Variants in CCSER1 observed in about 807,000 individuals in gnomAD.
CCSER1 encodes serine-rich coiled-coil domain-containing protein 1.
CCSER1 carries 41 observed loss-of-function variants against 82.0 expected under a neutral mutation model. That is an observed-to-expected ratio of 0.50 (90% CI 0.39 to 0.65). The LOEUF (loss-of-function observed/expected upper bound fraction) is 0.65. Among genes scored for constraint, CCSER1 ranks in the 30% least tolerant of loss-of-function variants. The pLI is 0.00. For missense variants in CCSER1, 1,119 were observed against 1,064.2 expected (o/e 1.05, Z -0.72); for synonymous variants, 414 against 383.9 (o/e 1.08, Z -0.92).
At chr4:91,586,734 GA>G (rs1177185465) in intron 10 of CCSER1, among the ~76,000 whole-genome samples, 2 of 151,704 alleles carry the variant, frequency 1.3e-5, no homozygotes, top group African/African-American at 4.8e-5. Context: ...TTCATGCTTA[GA>G]AATTATGTTG....
rs547771917 is a variant in CCSER1, at chr4:91,464,472, C to T, written c.2218-134100C>T. Among the ~76,000 whole-genome samples the T allele has an allele frequency of 3.5e-4, 53 of 152,256 alleles. No individual in the cohort carries two copies. The South Asian group carries it at 5.2e-3, about 15-fold the overall frequency. ...GACAAGCAAAATAACCAGCTAACAT[C>T]GTAATGACAGGATCAAATTCACACA... On this transcript the variant is annotated intron_variant, in intron 10 of 10. Transcript: ENST00000509176.
intron 10 of CCSER1, among the ~76,000 whole-genome samples, chr4:91,280,978 A>G (rs760320504): frequency 2.0e-5 from 3 of 152,090 alleles, no homozygotes; most frequent in South Asian, 2.1e-4. Context: ...AGCTCCCTCT[A>G]TGAAGCAATG....
chr4:90,200,507 G>A lies in CCSER1; in HGVS notation c.-42+72676G>A, dbSNP rs1201326322. 4.6e-5 allele frequency among the ~76,000 whole-genome samples: 7 copies of A among 151,832 alleles called. No individual in the cohort carries two copies. The South Asian group carries it at 1.2e-3, about 27-fold the overall frequency. On this transcript the variant is annotated intron_variant, in intron 1 of 10. Transcript: ENST00000509176. The stretch of plus-strand genomic sequence containing the variant: ...AAATCATACAAAAAAACCCAGCAAA[G>A]CCCTCTTTGCTTATGAACAATGGCC...
At chr4:90,612,539 A>G (rs1445608669) in intron 5 of CCSER1, among the ~76,000 whole-genome samples, 2 of 152,198 alleles carry the variant, frequency 1.3e-5, no homozygotes, top group South Asian at 2.1e-4. Flanking sequence ...AAGCAGAGAA[A>G]TTCCACATTA....
intron 10 of CCSER1, among the ~76,000 whole-genome samples, chr4:91,266,260 T>G (rs913116215): frequency 7.2e-6 from 1 of 138,972 alleles, no homozygotes; most frequent in African/African-American, 2.6e-5. Context: ...GTTTGTTTTG[T>G]TTTTTTTTTG....
chr4:91,172,042 G>A (rs1441975554), intron 10 of CCSER1, among the ~76,000 whole-genome samples: 1 of 151,904 alleles, frequency 6.6e-6, no homozygotes, highest in Non-Finnish European at 1.5e-5. Flanking sequence ...ACATTGCAAA[G>A]CACCTTGCAT....
intron 5 of CCSER1, among the ~76,000 whole-genome samples, chr4:90,562,059 G>T (rs1251169120): frequency 6.6e-6 from 1 of 151,780 alleles, no homozygotes; most frequent in African/African-American, 2.4e-5. Context: ...GCATAGTGGC[G>T]AGTGCCTGTA....
rs192592705 is a variant in CCSER1, at chr4:90,309,654, A to C, written c.1324+46A>C. 5.8e-6 allele frequency: 8 copies of C among 1,381,140 alleles called. No homozygotes were observed. The Admixed American group carries it at 2.1e-4, about 37-fold the overall frequency. 85.6% of individuals were successfully genotyped at this position (1,381,140 alleles called of 1,614,324 possible). ...TAACAAATGATATGAATTAATTTTC[A>C]TTATACTTTATTCAGTTTTCTTATT... On this transcript the variant is annotated intron_variant, in intron 2 of 10. Coordinates refer to ENST00000509176, the MANE Select transcript of CCSER1 (RefSeq NM_001145065.2).
intron 3 of CCSER1, among the ~76,000 whole-genome samples, chr4:90,386,076 T>A (rs2153534851): frequency 6.6e-6 from 1 of 152,244 alleles, no homozygotes; most frequent in African/African-American, 2.4e-5. Flanking sequence ...AAAATGAACA[T>A]ACTACCCAAA....
chr4:90,838,023 G>T (rs1460152965), intron 8 of CCSER1, among the ~76,000 whole-genome samples: 2 of 150,000 alleles, frequency 1.3e-5, no homozygotes, highest in African/African-American at 5.0e-5. Flanking sequence ...TAGCTATTCT[G>T]TACACTTTAT....
At chr4:90,486,470 G>A (rs1199384184) in intron 5 of CCSER1, among the ~76,000 whole-genome samples, 1 of 152,208 alleles carries the variant, frequency 6.6e-6, no homozygotes, top group Non-Finnish European at 1.5e-5. Context: ...GTGGCAAGTA[G>A]TGGTGGTTGT....
intron 10 of CCSER1, among the ~76,000 whole-genome samples, chr4:91,439,613 A>C (rs1165319357): frequency 6.6e-6 from 1 of 152,102 alleles, no homozygotes; most frequent in African/African-American, 2.4e-5. Flanking sequence ...ACACATAACA[A>C]TATTAACTTT....
intron 1 of CCSER1, among the ~76,000 whole-genome samples, chr4:90,290,405 G>A (rs746440276): frequency 6.6e-6 from 1 of 151,818 alleles, no homozygotes. Context: ...AAGCAAATAG[G>A]GTCTCTTTTA....
intron 8 of CCSER1, among the ~76,000 whole-genome samples, chr4:90,866,523 T>TC (rs746209747): frequency 3.3e-5 from 5 of 152,044 alleles, no homozygotes; most frequent in Non-Finnish European, 5.9e-5. Context: ...GTTTCACATA[T>TC]CCTTTATTTT....
At chr4:90,574,317 G>T (rs570381489) in intron 5 of CCSER1, among the ~76,000 whole-genome samples, 5 of 133,894 alleles carry the variant, frequency 3.7e-5, no homozygotes, top group Admixed American at 3.2e-4. Context: ...GCTGGACTGC[G>T]GACTGCAGTG....
At chr4:90,713,302 C>T (rs757799229) in intron 6 of CCSER1, among the ~76,000 whole-genome samples, 1 of 151,890 alleles carries the variant, frequency 6.6e-6, no homozygotes, top group South Asian at 2.1e-4. Context: ...TTCCCTATCA[C>T]GTGCTTCCTT....
At chr4:90,749,850 C>A (rs1342383656) in intron 7 of CCSER1, among the ~76,000 whole-genome samples, 1 of 151,598 alleles carries the variant, frequency 6.6e-6, no homozygotes, top group African/African-American at 2.4e-5. Context: ...AGTTCTAGAT[C>A]CCTGAGGAAT....
intron 4 of CCSER1, among the ~76,000 whole-genome samples, chr4:90,457,321 C>T (rs1375679006): frequency 6.6e-6 from 1 of 152,164 alleles, no homozygotes; most frequent in Non-Finnish European, 1.5e-5. Context: ...CTTTTCTCTC[C>T]TCTTTTCTCT....
chr4:91,365,610 T>G (rs965842292), intron 10 of CCSER1, among the ~76,000 whole-genome samples: 1 of 152,222 alleles, frequency 6.6e-6, no homozygotes, highest in African/African-American at 2.4e-5. Context: ...TAGTAATTTA[T>G]AAAGGAATAT....
Sources: allele counts gnomAD v4.1 joint callset (sites outside exome capture counted in the v4.1 genomes callset), GRCh38; gene constraint gnomAD v4.1.1; transcripts MANE v1.5; gene names NCBI Gene and HGNC (gene_info 2026-07-23, HGNC 2026-07-21).